The following CLTB variants were observed in gnomAD, a reference collection of about 807,000 sequenced individuals.
The protein encoded by CLTB is clathrin light chain B.
CLTB carries 10 observed loss-of-function variants against 30.5 expected under a neutral mutation model. The ratio of observed to expected loss-of-function variants is 0.33; its 90% confidence interval spans 0.20 to 0.56. CLTB has a LOEUF of 0.56. Ranked by LOEUF, CLTB falls within the 20% of genes least tolerant of loss-of-function variation. The pLI is 0.91. For missense variants in CLTB, 261 were observed against 308.3 expected (o/e 0.85, Z 1.15); for synonymous variants, 102 against 120.3 (o/e 0.85, Z 1.00).
At chr5:176,409,712 C>A (rs970529060) in intron 2 of CLTB, among the ~76,000 whole-genome samples, 4 of 152,052 alleles carry the variant, frequency 2.6e-5, no homozygotes, top group African/African-American at 9.7e-5. Context: ...CTGCACCCGG[C>A]CCTGATTGCC....
rs34831947 is a variant in CLTB, at chr5:176,409,406, CTTT to C, written c.234+848_234+850del. Among the ~76,000 whole-genome samples, 355 of 79,630 alleles carry C rather than the reference CTTT, an allele frequency of 4.5e-3. 2 individuals are homozygous for C. The highest frequency in any genetic ancestry group is 0.018 in the African/African-American group (322 of 17,520). 52.2% of individuals were successfully genotyped at this position (79,630 alleles called of 152,430 possible). ...GTCAATACAGGAAGATCTGATTGCCCTTTTTTTTTTTTTTTTTTTTTTTTCAGA... is the reference window on the plus strand; with the variant it reads ...GTCAATACAGGAAGATCTGATTGCCCTTTTTTTTTTTTTTTTTTTTTCAGA... On this transcript the variant is annotated intron_variant, in intron 2 of 5. Transcript: ENST00000310418.
chr5:176,399,421 T>C (rs544797879), intron 2 of CLTB, among the ~76,000 whole-genome samples: 1 of 152,178 alleles, frequency 6.6e-6, no homozygotes, highest in African/African-American at 2.4e-5. Flanking sequence ...AGAAATTGCT[T>C]AACCTTGCCT....
At chr5:176,407,274 T>C (rs1757179312) in intron 2 of CLTB, among the ~76,000 whole-genome samples, 2 of 152,154 alleles carry the variant, frequency 1.3e-5, no homozygotes, top group South Asian at 4.1e-4. Context: ...TGCTAATCTT[T>C]AGGAAAGGTA....
chr5:176,413,904 C>T (rs1050510269), intron 1 of CLTB, among the ~76,000 whole-genome samples: 4 of 152,198 alleles, frequency 2.6e-5, no homozygotes, highest in South Asian at 2.1e-4. Context: ...GTATCCCCGG[C>T]ACCTCCCTGG....
chr5:176,400,324 G>A (rs968972288), intron 2 of CLTB, among the ~76,000 whole-genome samples: 1 of 152,158 alleles, frequency 6.6e-6, no homozygotes, highest in African/African-American at 2.4e-5. Context: ...GTGGAGTGAT[G>A]GCTCAGTGAA....
chr5:176,399,744 A>G (rs1262309745), intron 2 of CLTB, among the ~76,000 whole-genome samples: 1 of 149,842 alleles, frequency 6.7e-6, no homozygotes, highest in Non-Finnish European at 1.5e-5. Context: ...AAATACAAAA[A>G]ATTAGCCAGG....
chr5:176,397,109 C>G (rs141513546), intron 4 of CLTB, among the ~76,000 whole-genome samples: 1 of 152,150 alleles, frequency 6.6e-6, no homozygotes, highest in Non-Finnish European at 1.5e-5. Flanking sequence ...TCCTCTGCGC[C>G]CTTTGAGGAC....
chr5:176,416,254 C>T lies in CLTB; in HGVS notation c.110G>A (p.Gly37Asp). 6.2e-7 allele frequency: 1 copy of T among 1,603,536 alleles called. No homozygotes were observed. Residue 37 changes from glycine to aspartate, a missense_variant, in exon 1 of 6, where the codon GGC becomes GAC. Coordinates refer to ENST00000310418, the MANE Select transcript of CLTB (RefSeq NM_007097.5). The stretch of plus-strand genomic sequence containing the variant: ...CCCGAAGCCCTCGTCGTTCTCTATG[C>T]CTGCAATCTCGCTCTCCTGCTGGGC... ...FLAQQESEIA[G>D]IENDEGFGAP...
At chr5:176,403,821 G>A (rs1471513389) in intron 2 of CLTB, among the ~76,000 whole-genome samples, 4 of 152,100 alleles carry the variant, frequency 2.6e-5, no homozygotes, top group Non-Finnish European at 4.4e-5. Context: ...GTACAGTGGC[G>A]TGATCTCTGC....
chr5:176,406,287 C>T, intron 2 of CLTB: 1 of 1,054,842 alleles, frequency 9.5e-7, no homozygotes, highest in Non-Finnish European at 1.1e-6. Flanking sequence ...TGGCCAGGAC[C>T]AGAAGGCAGG....
chr5:176,392,577 C>T lies in CLTB; in HGVS notation c.*197G>A, dbSNP rs1756300293. 8.5e-6 allele frequency: 5 copies of T among 591,324 alleles called. No homozygotes were observed. Among genetic ancestry groups the T allele is most frequent in the Non-Finnish European group, 1.5e-5 (5 of 333,054 alleles). The allele number at this position is 591,324 out of a possible 1,614,324, so 36.6% of individuals were successfully genotyped here. On this transcript the variant is annotated 3_prime_UTR_variant, in exon 6 of 6. Coordinates refer to ENST00000310418, the MANE Select transcript of CLTB (RefSeq NM_007097.5). The surrounding 1 kb of genome is among the most constrained non-coding windows in gnomAD (Gnocchi z 5.2). ...CACAATTGAGTAGACTGAGAGGAGG[C>T]GTGAGGGGCTGGACCAGAGGGCCAG...
intron 2 of CLTB, among the ~76,000 whole-genome samples, chr5:176,402,570 T>G (rs11958063): frequency 0.22 from 33,160 of 152,180 alleles, 3,632 homozygotes; most frequent in South Asian, 0.29. Context: ...TTATTTTCTG[T>G]GTCCTCCCCC....
intron 1 of CLTB, among the ~76,000 whole-genome samples, chr5:176,414,238 G>A (rs1372185134): frequency 2.0e-5 from 3 of 152,128 alleles, no homozygotes; most frequent in Non-Finnish European, 4.4e-5. Flanking sequence ...CAGAGGTGTG[G>A]TCCAGTGAAT....
intron 4 of CLTB, among the ~76,000 whole-genome samples, chr5:176,397,003 A>G (rs1756556479): frequency 6.6e-6 from 1 of 151,922 alleles, no homozygotes; most frequent in African/African-American, 2.4e-5. Flanking sequence ...AAGTCCCAAG[A>G]CACAGAGGTC....
rs371302401 is a variant in CLTB at position 176,393,721 on chromosome 5, G to A, written c.519-776C>T. Among the ~76,000 whole-genome samples the A allele has an allele frequency of 5.3e-5, 8 of 152,114 alleles. No homozygotes were observed. The highest frequency in any genetic ancestry group is 1.2e-4 in the African/African-American group (5 of 41,424). Reference sequence around the variant, plus strand: ...GAATCAAGTTAGGATGAAAACTGGCGGTCCTTCATCAGAAGTTCTGGTTGA... The same window carrying A: ...GAATCAAGTTAGGATGAAAACTGGCAGTCCTTCATCAGAAGTTCTGGTTGA... On this transcript the variant is annotated intron_variant, in intron 5 of 5. Coordinates refer to ENST00000310418, the MANE Select transcript of CLTB (RefSeq NM_007097.5). This position sits in a 1 kb window ranked among gnomAD's most constrained non-coding sequence, Gnocchi z 4.4.
At chr5:176,401,698 A>G (rs1256066383) in intron 2 of CLTB, 1 of 456,204 alleles carries the variant, frequency 2.2e-6, no homozygotes, top group South Asian at 1.5e-5. Flanking sequence ...GTTGCACAGC[A>G]TTTTCACAAA....
At chr5:176,413,755 G>A (rs1212320572) in intron 1 of CLTB, among the ~76,000 whole-genome samples, 2 of 152,204 alleles carry the variant, frequency 1.3e-5, no homozygotes, top group Non-Finnish European at 2.9e-5. Flanking sequence ...GGCTGAGAAG[G>A]TCAGATCAAT....
chr5:176,414,494 T>C (rs1757596803), intron 1 of CLTB, among the ~76,000 whole-genome samples: 1 of 149,958 alleles, frequency 6.7e-6, no homozygotes, highest in Non-Finnish European at 1.5e-5. Context: ...TACAGAGACG[T>C]GATCACAGCA....
intron 1 of CLTB, among the ~76,000 whole-genome samples, chr5:176,415,402 G>T (rs1757643662): frequency 6.6e-6 from 1 of 152,134 alleles, no homozygotes; most frequent in Non-Finnish European, 1.5e-5. Context: ...TAAATTCACG[G>T]CCAGGTGTGG....
Sources: gnomAD v4.1 joint callset for allele counts (sites outside exome capture counted in the v4.1 genomes callset) on GRCh38, gnomAD v4.1.1 for gene constraint, Gnocchi (gnomAD v3.1) non-coding constraint, MANE v1.5 for transcripts, NCBI Gene and HGNC (gene_info 2026-07-23, HGNC 2026-07-21) for gene names.